The following SHLD1 variants were observed in gnomAD, a reference collection of about 807,000 sequenced individuals.
SHLD1 encodes the protein RINN1-REV7-interacting novel NHEJ regulator 3.
A neutral mutation model predicts 5.5 loss-of-function variants in SHLD1; 3 were observed. The observed-to-expected ratio is 0.54, with a 90% CI of 0.25 to 1.40. The LOEUF is 1.40. Ranked by LOEUF, SHLD1 falls within the 40% of genes most tolerant of loss-of-function variation. The pLI is 0.15. For missense variants in SHLD1, 210 were observed against 244.4 expected, an observed-to-expected ratio of 0.86 and a Z score of 0.94; for synonymous variants, 92 against 94.3, an observed-to-expected ratio of 0.98 and a Z score of 0.14.
chr20:5,796,519 G>A (rs2087214507), intron 2 of SHLD1, among the ~76,000 whole-genome samples: 1 of 151,890 alleles, frequency 6.6e-6, no homozygotes, highest in Admixed American at 6.6e-5. Context: ...AACATTTTCA[G>A]CGTGAGTTAG....
intron 1 of SHLD1, among the ~76,000 whole-genome samples, chr20:5,754,198 C>A (rs1223630773): frequency 1.3e-5 from 2 of 152,078 alleles, no homozygotes; most frequent in Non-Finnish European, 2.9e-5. Context: ...GCAGCCTCAA[C>A]CTCCTGGGCT....
intron 2 of SHLD1, among the ~76,000 whole-genome samples, chr20:5,794,177 A>G (rs1288189967): frequency 1.3e-5 from 2 of 152,060 alleles, no homozygotes; most frequent in African/African-American, 4.8e-5. Context: ...ACTGCACTTC[A>G]CTCTTTCTTA....
Position 5,806,305 on chromosome 20 carries a change from A to G in SHLD1, c.178+33262A>G, listed in dbSNP as rs540656326. Among the ~76,000 whole-genome samples the G allele has an allele frequency of 3.4e-4, 52 of 152,340 alleles. No individual in the cohort carries two copies. The highest frequency in any genetic ancestry group is 9.6e-4 in the African/African-American group (40 of 41,578). ...AAAACTGTTGCTTACGCATCATGCT[A>G]TTGGTCCACAGTATATGGATTTGTG... On this transcript the variant is annotated intron_variant, in intron 2 of 2. Coordinates refer to ENST00000303142, the MANE Select transcript of SHLD1 (RefSeq NM_152504.4). The surrounding 1 kb of genome is among the most constrained non-coding windows in gnomAD (Gnocchi z 7.6).
chr20:5,807,742 A>C (rs2087399853), intron 2 of SHLD1, among the ~76,000 whole-genome samples: 1 of 152,188 alleles, frequency 6.6e-6, no homozygotes, highest in Admixed American at 6.5e-5. Context: ...CTTTTGGAGA[A>C]TATAGCCTCA....
intron 1 of SHLD1, among the ~76,000 whole-genome samples, chr20:5,752,897 C>T (rs1006378592): frequency 1.5e-4 from 23 of 152,100 alleles, no homozygotes; most frequent in African/African-American, 5.5e-4. Context: ...TGGGTTCAAG[C>T]GATTCTCCTG....
At chr20:5,796,806 A>C (rs1434659801) in intron 2 of SHLD1, among the ~76,000 whole-genome samples, 2 of 150,854 alleles carry the variant, frequency 1.3e-5, no homozygotes, top group African/African-American at 4.9e-5. Flanking sequence ...TCCAGCCTGG[A>C]CAACAGGACA....
chr20:5,837,299 T>TAA (rs1439675804), intron 2 of SHLD1, among the ~76,000 whole-genome samples: 2 of 152,214 alleles, frequency 1.3e-5, no homozygotes, highest in African/African-American at 4.8e-5. Context: ...AAACCTTTTT[T>TAA]TTCTTCCGCT....
intron 1 of SHLD1, among the ~76,000 whole-genome samples, chr20:5,751,400 AG>A (rs1983741956): frequency 6.6e-6 from 1 of 152,032 alleles, no homozygotes; most frequent in African/African-American, 2.4e-5. Context: ...TCTGCTGCCC[AG>A]GTTCAAGCTA....
At chr20:5,762,259 T>G (rs1024673240) in intron 1 of SHLD1, among the ~76,000 whole-genome samples, 46 of 151,876 alleles carry the variant, frequency 3.0e-4, no homozygotes, top group Non-Finnish European at 7.4e-5. Context: ...AAAAAAAAAT[T>G]CTTTTATTTA....
chr20:5,839,074 G>T (rs939732487), intron 2 of SHLD1, among the ~76,000 whole-genome samples: 3 of 152,186 alleles, frequency 2.0e-5, no homozygotes, highest in Non-Finnish European at 4.4e-5. Flanking sequence ...TATTAGAAAT[G>T]GAGTAGATGC....
chr20:5,847,383 G>C (rs191462042), intron 2 of SHLD1, among the ~76,000 whole-genome samples: 10 of 152,254 alleles, frequency 6.6e-5, no homozygotes, highest in African/African-American at 2.4e-4. Flanking sequence ...GGGTTGTTTT[G>C]CTTGAGAAAA....
chr20:5,806,334 C>T lies in SHLD1; in HGVS notation c.178+33291C>T, dbSNP rs183277604. 1.4e-4 allele frequency among the ~76,000 whole-genome samples: 22 copies of T among 152,318 alleles called. No individual in the cohort carries two copies. The highest frequency in any genetic ancestry group is 6.2e-4 in the South Asian group (3 of 4,832). On this transcript the variant is annotated intron_variant, in intron 2 of 2. Transcript: ENST00000303142. The surrounding 1 kb of genome is among the most constrained non-coding windows in gnomAD (Gnocchi z 7.6). Reference sequence around the variant, plus strand: ...GTCCACAGTATATGGATTTGTGGATCGTGTCTTCTTCCTTCCATTTGAAAA... The same window carrying T: ...GTCCACAGTATATGGATTTGTGGATTGTGTCTTCTTCCTTCCATTTGAAAA...
intron 2 of SHLD1, among the ~76,000 whole-genome samples, chr20:5,842,809 A>AT (rs568161944): frequency 1.3e-5 from 2 of 151,376 alleles, no homozygotes; most frequent in East Asian, 1.9e-4. Context: ...CTATTACTAT[A>AT]TTTTTTCTTT....
chr20:5,791,060 G>A (rs2087131441), intron 2 of SHLD1, among the ~76,000 whole-genome samples: 2 of 152,076 alleles, frequency 1.3e-5, no homozygotes, highest in Admixed American at 1.3e-4. Flanking sequence ...CTACTTGGGA[G>A]GCTGAGGCAA....
intron 1 of SHLD1, chr20:5,772,090 G>A: frequency 2.4e-6 from 1 of 416,870 alleles, no homozygotes; most frequent in South Asian, 1.7e-5. Context: ...TGGCCAGGCT[G>A]GTCTTGAACT....
At chr20:5,834,435 A>T (rs1432322888) in intron 2 of SHLD1, among the ~76,000 whole-genome samples, 2 of 152,224 alleles carry the variant, frequency 1.3e-5, no homozygotes, top group African/African-American at 4.8e-5. Flanking sequence ...GTTACATTCT[A>T]ATTTGACCAA....
chr20:5,758,421 T>TA (rs1342472045), intron 1 of SHLD1, among the ~76,000 whole-genome samples: 1 of 144,944 alleles, frequency 6.9e-6, no homozygotes, highest in Non-Finnish European at 1.5e-5. Context: ...TTATTTTTTT[T>TA]TATATTTTTT....
chr20:5,778,097 C>A (rs1392515336), intron 2 of SHLD1, among the ~76,000 whole-genome samples: 3 of 146,322 alleles, frequency 2.1e-5, no homozygotes, highest in Non-Finnish European at 3.0e-5. Context: ...GAGGCTGAGG[C>A]AGGAGGATCC....
At chr20:5,777,863 A>C (rs1600111564) in intron 2 of SHLD1, among the ~76,000 whole-genome samples, 1 of 152,156 alleles carries the variant, frequency 6.6e-6, no homozygotes, top group Admixed American at 6.5e-5. Flanking sequence ...GATAGAACAA[A>C]CACTTTGGAG....
Sources: gnomAD v4.1 joint callset for allele counts (sites outside exome capture counted in the v4.1 genomes callset) on GRCh38, gnomAD v4.1.1 for gene constraint, Gnocchi (gnomAD v3.1) non-coding constraint, MANE v1.5 for transcripts, NCBI Gene and HGNC (gene_info 2026-07-23, HGNC 2026-07-21) for gene names.